Variants in FANCC observed in about 807,000 individuals in gnomAD.
FANCC encodes FA complementation group C.
A neutral mutation model predicts 71.3 loss-of-function variants in FANCC; 55 were observed. That is an observed-to-expected ratio of 0.77 (90% confidence interval 0.62 to 0.97). FANCC has a LOEUF of 0.97. FANCC is among the 50% of genes least tolerant of loss of function. The pLI is 0.00. For synonymous variants in FANCC, 275 were observed against 244.9 expected, an observed-to-expected ratio of 1.12 and a Z score of -1.15; for missense variants, 678 against 670.9, an observed-to-expected ratio of 1.01 and a Z score of -0.12.
At chr9:95,308,596 C>T (rs1217089792) in intron 1 of FANCC, among the ~76,000 whole-genome samples, 1 of 151,550 alleles carries the variant, frequency 6.6e-6, no homozygotes, top group Non-Finnish European at 1.5e-5. Flanking sequence ...GACCTGCATC[C>T]TTGACCACCA....
At chr9:95,274,211 TCC>T (rs1368969824) in intron 1 of FANCC, among the ~76,000 whole-genome samples, 3 of 152,048 alleles carry the variant, frequency 2.0e-5, no homozygotes, top group Non-Finnish European at 4.4e-5. Flanking sequence ...TGTGTGATGT[TCC>T]CCTCCCTGTG....
chr9:95,306,677 C>T (rs1193984620), intron 1 of FANCC, among the ~76,000 whole-genome samples: 1 of 152,150 alleles, frequency 6.6e-6, no homozygotes, highest in Non-Finnish European at 1.5e-5. Context: ...ACCAGAAATA[C>T]CCGGCTCTTT....
intron 1 of FANCC, among the ~76,000 whole-genome samples, chr9:95,276,612 A>G (rs1472113531): frequency 2.0e-5 from 3 of 152,236 alleles, no homozygotes; most frequent in Non-Finnish European, 4.4e-5. Flanking sequence ...GCTTCACCAC[A>G]TTGATTTGAG....
intron 1 of FANCC, among the ~76,000 whole-genome samples, chr9:95,283,649 A>T (rs1244520093): frequency 1.3e-5 from 2 of 152,254 alleles, no homozygotes; most frequent in Non-Finnish European, 2.9e-5. Flanking sequence ...CTATGTTCCA[A>T]TTATAATATT....
rs181721899 is a variant in FANCC at position 95,282,498 on chromosome 9, C to T, written c.-78-33129G>A. The stretch of plus-strand genomic sequence containing the variant: ...ACACAATACTAGTAGAAGAGTTTAA[C>T]ACCCTATTTTCAGCAATGGACAGAT... On this transcript the variant is annotated intron_variant, in intron 1 of 14. Transcript: ENST00000289081. 7.7e-4 allele frequency among the ~76,000 whole-genome samples: 117 copies of T among 152,174 alleles called. 1 individual carries two copies. The highest frequency in any genetic ancestry group is 2.6e-3 in the African/African-American group (108 of 41,508).
chr9:95,285,397 A>T (rs1833630423), intron 1 of FANCC, among the ~76,000 whole-genome samples: 1 of 152,216 alleles, frequency 6.6e-6, no homozygotes, highest in African/African-American at 2.4e-5. Context: ...GTATATCACA[A>T]TAAAAAAGCA....
At chr9:95,208,317 G>A (rs1828275090) in intron 4 of FANCC, among the ~76,000 whole-genome samples, 1 of 151,668 alleles carries the variant, frequency 6.6e-6, no homozygotes, top group African/African-American at 2.4e-5. Context: ...GGCTGGTCTT[G>A]AACTCCTGAC....
intron 4 of FANCC, among the ~76,000 whole-genome samples, chr9:95,194,326 T>A (rs1015671529): frequency 6.6e-6 from 1 of 152,160 alleles, no homozygotes. Context: ...CCCATGAATT[T>A]GAAGATATCA....
intron 4 of FANCC, among the ~76,000 whole-genome samples, chr9:95,204,089 T>C (rs1827967544): frequency 1.3e-5 from 2 of 152,176 alleles, no homozygotes; most frequent in Non-Finnish European, 2.9e-5. Context: ...CTGTGTCCAA[T>C]AATAAGACAC....
chr9:95,101,257 C>T lies in FANCC; in HGVS notation c.*450G>A, dbSNP rs149227790. ...ACAGCAAGACAGTGTGGCTTTATCC[C>T]AGATCCCTGACTCCTAAAAAGAGTC... On this transcript the variant is annotated 3_prime_UTR_variant, in exon 15 of 15. Coordinates refer to ENST00000289081, the MANE Select transcript of FANCC (RefSeq NM_000136.3). 789 of 292,462 alleles carry T rather than the reference C, an allele frequency of 2.7e-3. 2 individuals carry two copies. Among genetic ancestry groups the T allele is most frequent in the Non-Finnish European group, 4.1e-3 (630 of 153,320 alleles). The allele number at this position is 292,462 out of a possible 1,614,324, so 18.1% of individuals were successfully genotyped here. A position where few individuals can be genotyped will look rare whatever the true frequency, so the allele number is the denominator to read the frequency against.
At chr9:95,210,397 T>TA (rs547969767) in intron 4 of FANCC, among the ~76,000 whole-genome samples, 31 of 149,912 alleles carry the variant, frequency 2.1e-4, no homozygotes, top group Admixed American at 8.0e-4. Flanking sequence ...ATTAAAATGG[T>TA]AAAAAAAAAA....
At chr9:95,139,861 TATTC>T in intron 7 of FANCC, among the ~76,000 whole-genome samples, 1 of 147,388 alleles carries the variant, frequency 6.8e-6, no homozygotes, top group East Asian at 2.0e-4. Flanking sequence ...TAAATATATA[TATTC>T]ATTCATTCTG....
In FANCC at chr9:95,313,553, A is replaced by G. The variant is rs949780514; in HGVS notation, c.-79+3973T>C. 2.0e-5 allele frequency among the ~76,000 whole-genome samples: 3 copies of G among 151,534 alleles called. 1 individual carries two copies. Among genetic ancestry groups the G allele is most frequent in the Admixed American group, 6.6e-5 (1 of 15,240 alleles). On this transcript the variant is annotated intron_variant, in intron 1 of 14. Transcript: ENST00000289081. The stretch of plus-strand genomic sequence containing the variant: ...AGTGAATTCTATCAAATATTTGAAG[A>G]AAAAAAAATACCAATCCTTCACAAA...
intron 4 of FANCC, among the ~76,000 whole-genome samples, chr9:95,221,032 C>A (rs1310327184): frequency 6.6e-6 from 1 of 151,840 alleles, no homozygotes; most frequent in Middle Eastern, 3.2e-3. Flanking sequence ...GAGATCGAGA[C>A]CACCCTGGCC....
chr9:95,150,023 C>A lies in FANCC; in HGVS notation c.586G>T (p.Val196Phe), dbSNP rs761766766. Residue 196 changes from valine to phenylalanine, a missense_variant, in exon 7 of 15, where the codon GTT (valine) becomes TTT (phenylalanine). Physicochemically the swap from Val to Phe is conservative, Grantham distance 50. Coordinates refer to ENST00000289081, the MANE Select transcript of FANCC (RefSeq NM_000136.3). ...AGGAGAGCCTCCACCAGGGGGTCAA[C>A]ATCTGTCAGGGTAATAAGTGGGACA... ...VCVPLITLTD[V>F]DPLVEALLIC... The A allele has an allele frequency of 1.2e-6, 2 of 1,614,128 alleles. No homozygotes were observed. The highest frequency in any genetic ancestry group is 1.7e-6 in the Non-Finnish European group (2 of 1,180,020).
intron 4 of FANCC, among the ~76,000 whole-genome samples, chr9:95,236,694 G>T (rs1351549853): frequency 1.3e-5 from 2 of 152,140 alleles, no homozygotes; most frequent in African/African-American, 4.8e-5. Context: ...TTGATTTAGA[G>T]TATTTCAATC....
At chr9:95,110,247 A>C (rs766344425) in intron 13 of FANCC, 9 of 1,006,482 alleles carry the variant, frequency 8.9e-6, no homozygotes, top group Non-Finnish European at 9.5e-6. Flanking sequence ...TGAATAATTT[A>C]TTTCTTTATA....
chr9:95,144,118 C>T (rs922506662), intron 7 of FANCC, among the ~76,000 whole-genome samples: 2 of 151,800 alleles, frequency 1.3e-5, no homozygotes, highest in South Asian at 2.1e-4. Context: ...CAAATGACCA[C>T]GCAGCACATC....
chr9:95,166,599 A>C (rs116497963), intron 6 of FANCC, among the ~76,000 whole-genome samples: 1,592 of 152,276 alleles, frequency 0.01, 29 homozygotes, highest in African/African-American at 0.037. Context: ...TTTAAGTTCT[A>C]TACCAGAATT....
Sources: gnomAD v4.1 joint callset for allele counts (sites outside exome capture counted in the v4.1 genomes callset) on GRCh38, gnomAD v4.1.1 for gene constraint, MANE v1.5 for transcripts, NCBI Gene and HGNC (gene_info 2026-07-23, HGNC 2026-07-21) for gene names.